The following DSCAM variants were observed in gnomAD, a reference collection of about 807,000 sequenced individuals.
DSCAM encodes the protein cell adhesion molecule DSCAM.
In DSCAM, 47 loss-of-function variants were observed where a neutral mutation model predicts 217.7. That is an observed-to-expected ratio of 0.22 (90% CI 0.17 to 0.28). DSCAM has a LOEUF of 0.28. Ranked by LOEUF, DSCAM falls within the 10% of genes least tolerant of loss-of-function variation. The probability of loss-of-function intolerance (pLI) is 1.00; values close to 1 mark genes in which losing one functional copy is unlikely to be tolerated. For missense variants in DSCAM, 2,080 were observed against 2,618.3 expected, an observed-to-expected ratio of 0.79 and a Z score of 4.49; for synonymous variants, 1,056 against 1,015.3, an observed-to-expected ratio of 1.04 and a Z score of -0.76.
chr21:40,582,593 T>A (rs1336341636), intron 3 of DSCAM, among the ~76,000 whole-genome samples: 2 of 152,120 alleles, frequency 1.3e-5, no homozygotes, highest in Non-Finnish European at 2.9e-5. Flanking sequence ...AGATAGCAAA[T>A]TAGAGACATA....
At chr21:40,470,262 C>T (rs2075877079) in intron 3 of DSCAM, among the ~76,000 whole-genome samples, 1 of 152,228 alleles carries the variant, frequency 6.6e-6, no homozygotes, top group South Asian at 2.1e-4. Context: ...ACCAAGAGTG[C>T]TGTGAGCTCA....
intron 3 of DSCAM, among the ~76,000 whole-genome samples, chr21:40,682,183 G>T (rs1221540597): frequency 8.2e-6 from 1 of 122,078 alleles, no homozygotes; most frequent in Admixed American, 9.5e-5. Context: ...TGTTGGAGGT[G>T]GCCAGAGGGA....
chr21:40,487,373 G>A (rs1240068285), intron 3 of DSCAM, among the ~76,000 whole-genome samples: 6 of 150,152 alleles, frequency 4.0e-5, no homozygotes, highest in East Asian at 2.0e-4. Context: ...CTGCTCACAC[G>A]TAGAGGGTAA....
intron 8 of DSCAM, among the ~76,000 whole-genome samples, chr21:40,323,451 A>T (rs904817187): frequency 3.3e-5 from 5 of 152,308 alleles, no homozygotes; most frequent in African/African-American, 9.6e-5. Context: ...TTCTCTTTCA[A>T]ATATACCCCT....
chr21:40,521,947 A>G (rs1037774117), intron 3 of DSCAM, among the ~76,000 whole-genome samples: 2 of 152,238 alleles, frequency 1.3e-5, no homozygotes, highest in Admixed American at 6.5e-5. Flanking sequence ...CACGTTTCAA[A>G]ACATTACGTT....
chr21:40,549,561 T>A (rs1342685266), intron 3 of DSCAM, among the ~76,000 whole-genome samples: 2 of 152,048 alleles, frequency 1.3e-5, no homozygotes, highest in African/African-American at 4.8e-5. Context: ...TGACCCTGAG[T>A]TGAATCAGTT....
intron 1 of DSCAM, among the ~76,000 whole-genome samples, chr21:40,717,274 GT>G (rs1231025031): frequency 1.3e-5 from 2 of 152,242 alleles, no homozygotes; most frequent in Non-Finnish European, 2.9e-5. Context: ...ATTGTAAAGA[GT>G]GTCAGGTGCC....
chr21:40,293,860 T>C (rs1601524730), intron 10 of DSCAM, among the ~76,000 whole-genome samples: 1 of 152,156 alleles, frequency 6.6e-6, no homozygotes, highest in Admixed American at 6.5e-5. Context: ...ACCATATTTG[T>C]TGTTATGGCA....
chr21:40,147,068 A>C (rs2090365856), intron 16 of DSCAM, among the ~76,000 whole-genome samples: 1 of 152,182 alleles, frequency 6.6e-6, no homozygotes, highest in Admixed American at 6.5e-5. Context: ...AAATAATATT[A>C]TTTTTTAAAT....
intron 3 of DSCAM, among the ~76,000 whole-genome samples, chr21:40,405,362 T>C (rs997132263): frequency 6.6e-6 from 1 of 152,214 alleles, no homozygotes; most frequent in Non-Finnish European, 1.5e-5. Flanking sequence ...TTATATCCAC[T>C]GGTGCAATTT....
At chr21:40,745,737 AAGAATAC>A (rs2091167818) in intron 1 of DSCAM, among the ~76,000 whole-genome samples, 1 of 152,178 alleles carries the variant, frequency 6.6e-6, no homozygotes, top group African/African-American at 2.4e-5. Flanking sequence ...TGGTAAAAGT[AAGAATAC>A]AGACAAATTT....
At chr21:40,571,563 A>G (rs1251507771) in intron 3 of DSCAM, among the ~76,000 whole-genome samples, 2 of 152,230 alleles carry the variant, frequency 1.3e-5, no homozygotes, top group East Asian at 3.8e-4. Context: ...AAAGAATATC[A>G]TACATGATAG....
At position 40,133,951 on chromosome 21, in the gene DSCAM, C is replaced by T. The variant is rs1302502703; in HGVS notation, c.3465G>A (p.Leu1155=). Residue 1155 remains leucine (L), a synonymous_variant, in exon 19 of 33, where the codon CTG becomes CTA. Coordinates refer to ENST00000400454, the MANE Select transcript of DSCAM (RefSeq NM_001389.5). ...GGATGCTGTAGTTGGTGTACTTTTC[C>T]AGCCCGTCCAGCTCCAGTGAAGGCT... ...TTQPSLELDG[L]EKYTNYSIQV... is the part of the protein sequence containing the mutation. 6.2e-7 allele frequency: 1 copy of T among 1,613,602 alleles called. No homozygotes were observed. The highest frequency in any genetic ancestry group is 1.7e-5 in the Admixed American group (1 of 59,984).
chr21:40,643,132 A>G (rs1459233333), intron 3 of DSCAM, among the ~76,000 whole-genome samples: 1 of 152,154 alleles, frequency 6.6e-6, no homozygotes, highest in Non-Finnish European at 1.5e-5. Context: ...AAAATTCCAG[A>G]GTGCAGCTCA....
At chr21:40,511,798 T>C (rs941666147) in intron 3 of DSCAM, among the ~76,000 whole-genome samples, 2 of 151,712 alleles carry the variant, frequency 1.3e-5, no homozygotes, top group African/African-American at 2.4e-5. Context: ...GAGACCATTC[T>C]GGCTAACCCA....
chr21:40,342,745 CTTT>C (rs1217476912), intron 6 of DSCAM, among the ~76,000 whole-genome samples: 1 of 67,134 alleles, frequency 1.5e-5, no homozygotes, highest in Non-Finnish European at 2.6e-5. Flanking sequence ...CACACCACGC[CTTT>C]TTTTTTTTTT....
At chr21:40,467,996 G>A (rs1601666463) in intron 3 of DSCAM, among the ~76,000 whole-genome samples, 1 of 150,754 alleles carries the variant, frequency 6.6e-6, no homozygotes, top group East Asian at 2.0e-4. Flanking sequence ...ATTCCTTGCG[G>A]GCCCCAAGAT....
At chr21:40,803,784 A>G (rs1220003344) in intron 1 of DSCAM, among the ~76,000 whole-genome samples, 1 of 152,134 alleles carries the variant, frequency 6.6e-6, no homozygotes, top group East Asian at 1.9e-4. Context: ...GGGAAAAAAA[A>G]AACACCTTTA....
At chr21:40,615,074 C>T (rs543861390) in intron 3 of DSCAM, among the ~76,000 whole-genome samples, 9 of 151,620 alleles carry the variant, frequency 5.9e-5, no homozygotes, top group South Asian at 4.2e-4. Context: ...GAGGCCGAGG[C>T]GGGCAGATCA....
Sources: gnomAD v4.1 joint callset for allele counts (sites outside exome capture counted in the v4.1 genomes callset) on GRCh38, gnomAD v4.1.1 for gene constraint, MANE v1.5 for transcripts, NCBI Gene and HGNC (gene_info 2026-07-23, HGNC 2026-07-21) for gene names.